FANK1: variants seen among roughly 807,000 people sequenced by gnomAD.
The protein encoded by FANK1 is fibronectin type 3 and ankyrin repeat domains protein 1.
A neutral mutation model predicts 45.3 loss-of-function variants in FANK1; 44 were observed. That is an observed-to-expected ratio of 0.97 (90% CI 0.76 to 1.25). The LOEUF (loss-of-function observed/expected upper bound fraction) is 1.25, where lower values mean the gene tolerates loss of function less well. Among genes scored for constraint, FANK1 ranks in the 50% most tolerant of loss-of-function variants. The pLI is 0.00. For synonymous variants in FANK1, 149 were observed against 152.5 expected (o/e 0.98, Z 0.17); for missense variants, 391 against 424.4 (o/e 0.92, Z 0.69).
At chr10:125,898,011 A>AG (rs1944707690) in intron 1 of FANK1, among the ~76,000 whole-genome samples, 2 of 124,170 alleles carry the variant, frequency 1.6e-5, no homozygotes, top group South Asian at 3.0e-4. Flanking sequence ...AAAAAAAAAA[A>AG]AAAAAAAAAA....
chr10:125,913,951 A>G (rs11244697), intron 1 of FANK1, among the ~76,000 whole-genome samples: 1 of 152,264 alleles, frequency 6.6e-6, no homozygotes, highest in East Asian at 1.9e-4. Context: ...TAAATGAAGG[A>G]CTGTCGAGTA....
At chr10:125,940,077 T>C (rs1948350556) in intron 1 of FANK1, among the ~76,000 whole-genome samples, 1 of 152,084 alleles carries the variant, frequency 6.6e-6, no homozygotes. Flanking sequence ...GGAAGATATG[T>C]CAGTGAAGGG....
At chr10:125,969,235 A>G (rs1950346564) in intron 1 of FANK1, among the ~76,000 whole-genome samples, 1 of 152,106 alleles carries the variant, frequency 6.6e-6, no homozygotes, top group Non-Finnish European at 1.5e-5. Context: ...TTTAGAAAAC[A>G]AACTCTTTAG....
chr10:125,904,422 C>G (rs1589773160), intron 1 of FANK1, among the ~76,000 whole-genome samples: 1 of 152,188 alleles, frequency 6.6e-6, no homozygotes, highest in Non-Finnish European at 1.5e-5. Context: ...GAAAAAATAA[C>G]ACCAACATTA....
chr10:125,903,632 TCAGCCCGGGCAA>T (rs1372581969), intron 1 of FANK1, among the ~76,000 whole-genome samples: 1 of 152,278 alleles, frequency 6.6e-6, no homozygotes, highest in Non-Finnish European at 1.5e-5. Context: ...GAGTTTGGAT[TCAGCCCGGGCAA>T]CATGTCGAGA....
chr10:125,912,142 A>G (rs1946063254), intron 1 of FANK1, among the ~76,000 whole-genome samples: 1 of 152,218 alleles, frequency 6.6e-6, no homozygotes, highest in African/African-American at 2.4e-5. Flanking sequence ...AACACACAGC[A>G]CGTGTGTGGC....
chr10:125,982,630 G>T (rs1951292234), intron 2 of FANK1, among the ~76,000 whole-genome samples: 1 of 152,196 alleles, frequency 6.6e-6, no homozygotes, highest in African/African-American at 2.4e-5. Flanking sequence ...CTGATGTTTG[G>T]ATTGTGGATT....
intron 1 of FANK1, among the ~76,000 whole-genome samples, chr10:125,966,532 G>A (rs1471187913): frequency 1.3e-5 from 2 of 152,086 alleles, no homozygotes; most frequent in Non-Finnish European, 2.9e-5. Flanking sequence ...TTACACCTGT[G>A]CCCTCAGGAC....
chr10:125,942,466 C>G (rs1297030074), intron 1 of FANK1, among the ~76,000 whole-genome samples: 1 of 152,118 alleles, frequency 6.6e-6, no homozygotes, highest in African/African-American at 2.4e-5. Flanking sequence ...GAGTTTTTTC[C>G]CCAATCTGGA....
intron 1 of FANK1, among the ~76,000 whole-genome samples, chr10:125,899,731 A>G (rs1944881049): frequency 6.6e-6 from 1 of 152,218 alleles, no homozygotes; most frequent in Admixed American, 6.5e-5. Flanking sequence ...AGTGAATTAC[A>G]GTTATACTGT....
At chr10:125,963,116 TG>T (rs1407200963) in intron 1 of FANK1, among the ~76,000 whole-genome samples, 1 of 152,108 alleles carries the variant, frequency 6.6e-6, no homozygotes, top group Non-Finnish European at 1.5e-5. Flanking sequence ...CCTGAGTAGC[TG>T]GGATTACAGG....
chr10:125,909,157 C>T (rs1945784192), intron 1 of FANK1, among the ~76,000 whole-genome samples: 1 of 152,164 alleles, frequency 6.6e-6, no homozygotes, highest in Admixed American at 6.5e-5. Context: ...GCTACTTTCA[C>T]CCAGGGTGAG....
chr10:125,902,996 A>T (rs1340277360), intron 1 of FANK1, among the ~76,000 whole-genome samples: 2 of 152,276 alleles, frequency 1.3e-5, no homozygotes, highest in Non-Finnish European at 2.9e-5. Context: ...GTCATGTTTT[A>T]AAATCCCCAT....
At chr10:125,923,473 T>A (rs929594445) in intron 1 of FANK1, among the ~76,000 whole-genome samples, 1,959 of 135,884 alleles carry the variant, frequency 0.014, 35 homozygotes, top group African/African-American at 0.052. Flanking sequence ...AAAAAAAAAA[T>A]TTTTTTCATC....
At chr10:125,917,231 A>C (rs1446720595) in intron 1 of FANK1, among the ~76,000 whole-genome samples, 1 of 152,212 alleles carries the variant, frequency 6.6e-6, no homozygotes, top group Non-Finnish European at 1.5e-5. Flanking sequence ...ATTCCAGTCT[A>C]CTTGAATCAG....
chr10:125,978,253 G>A lies in FANK1; in HGVS notation c.14-1908G>A, dbSNP rs531861932. Among the ~76,000 whole-genome samples, 5 of 152,098 alleles carry A rather than the reference G, an allele frequency of 3.3e-5. No homozygotes were observed. The East Asian group carries it at 9.8e-4, about 30-fold the overall frequency. ...GGTGTCGGCCCAAAGGCACCTGTAG[G>A]AAGTGACTGGAGACCCTGGTTGGGA... On this transcript the variant is annotated intron_variant, in intron 1 of 10. Transcript: ENST00000368693.
chr10:125,987,811 A>G (rs1022514582), intron 2 of FANK1, among the ~76,000 whole-genome samples: 12 of 152,138 alleles, frequency 7.9e-5, no homozygotes, highest in African/African-American at 1.9e-4. Context: ...TTATCTTAGC[A>G]CTTGCGCTAG....
chr10:125,974,240 A>G (rs1257542612), intron 1 of FANK1, among the ~76,000 whole-genome samples: 1 of 152,126 alleles, frequency 6.6e-6, no homozygotes, highest in Non-Finnish European at 1.5e-5. Flanking sequence ...GTGTAAGGGA[A>G]ATTGTTGGCT....
At chr10:125,966,212 AC>A (rs1286699861) in intron 1 of FANK1, among the ~76,000 whole-genome samples, 1 of 152,218 alleles carries the variant, frequency 6.6e-6, no homozygotes, top group Non-Finnish European at 1.5e-5. Context: ...GTTTGCACTT[AC>A]GTTACTTACT....
Sources: gnomAD v4.1 joint callset for allele counts (sites outside exome capture counted in the v4.1 genomes callset) on GRCh38, gnomAD v4.1.1 for gene constraint, MANE v1.5 for transcripts, NCBI Gene and HGNC (gene_info 2026-07-23, HGNC 2026-07-21) for gene names.